SMCHD1: variants seen among roughly 807,000 people sequenced by gnomAD.
The protein encoded by SMCHD1 is structural maintenance of chromosomes flexible hinge domain containing 1, also known as structural maintenance of chromosomes flexible hinge domain-containing protein 1.
A neutral mutation model predicts 254.7 loss-of-function variants in SMCHD1; 78 were observed. That is an observed-to-expected ratio of 0.31 (90% confidence interval 0.26 to 0.37). The LOEUF (loss-of-function observed/expected upper bound fraction) is 0.37, where lower values mean the gene tolerates loss of function less well. Among genes scored for constraint, SMCHD1 ranks in the 10% least tolerant of loss-of-function variants. The pLI, the probability that SMCHD1 is intolerant of heterozygous loss-of-function variation, is 1.00. For synonymous variants in SMCHD1, 766 were observed against 794.9 expected, an observed-to-expected ratio of 0.96 and a Z score of 0.61; for missense variants, 1,840 against 2,408.1, an observed-to-expected ratio of 0.76 and a Z score of 4.94.
intron 25 of SMCHD1, among the ~76,000 whole-genome samples, chr18:2,735,196 A>G (rs1395695405): frequency 6.6e-6 from 1 of 152,226 alleles, no homozygotes; most frequent in Non-Finnish European, 1.5e-5. Flanking sequence ...CGTATGATTT[A>G]ATATGGTTTC....
chr18:2,666,829 G>A (rs1441729708), intron 2 of SMCHD1, 41 bp from the exon 3 acceptor site: 2 of 1,514,334 alleles, frequency 1.3e-6, no homozygotes, highest in Non-Finnish European at 1.8e-6. Flanking sequence ...TTGAGTTTCT[G>A]ATGCTGACCT....
At chr18:2,795,039 G>GTTTTT (rs201312816) in intron 45 of SMCHD1, among the ~76,000 whole-genome samples, 1 of 148,470 alleles carries the variant, frequency 6.7e-6, no homozygotes, top group East Asian at 2.0e-4. Flanking sequence ...AAAATTCTGG[G>GTTTTT]TTTTTTTTTT....
intron 39 of SMCHD1, among the ~76,000 whole-genome samples, chr18:2,770,915 C>T (rs2075972486): frequency 1.3e-5 from 2 of 152,170 alleles, no homozygotes; most frequent in African/African-American, 2.4e-5. Flanking sequence ...AGCCACCACA[C>T]CCAGCCTACG....
chr18:2,670,900 T>TA (rs372225530), intron 3 of SMCHD1, among the ~76,000 whole-genome samples: 38,871 of 116,338 alleles, frequency 0.33, 6,748 homozygotes, highest in African/African-American at 0.47. Context: ...AGACTGCATC[T>TA]AAAAAAAAAA....
chr18:2,661,432 G>A (rs2073249953), intron 1 of SMCHD1, among the ~76,000 whole-genome samples: 1 of 151,928 alleles, frequency 6.6e-6, no homozygotes, highest in African/African-American at 2.4e-5. Flanking sequence ...GAAATCTGTG[G>A]GTTTTTAATA....
chr18:2,760,385 G>A, intron 34 of SMCHD1: 1 of 248,220 alleles, frequency 4.0e-6, no homozygotes, highest in Non-Finnish European at 7.7e-6. Flanking sequence ...CGTATTTACT[G>A]CTTTCTCAAC....
Position 2,697,098 on chromosome 18 carries a change from A to C in SMCHD1, c.1107A>C (p.Glu369Asp), listed in dbSNP as rs2074300819. 6.7e-7 allele frequency: 1 copy of C among 1,492,634 alleles called. No homozygotes were observed. Among genetic ancestry groups the C allele is most frequent in the African/African-American group, 1.4e-5 (1 of 70,902 alleles). The allele number at this position is 1,492,634 out of a possible 1,614,324, so 92.5% of individuals were successfully genotyped here. A position where few individuals can be genotyped will look rare whatever the true frequency, so the allele number is the denominator to read the frequency against. Reference protein sequence around the residue: ...GNEIRTSKEVEPFNNIDIEIS... With the variant: ...GNEIRTSKEVDPFNNIDIEIS... ...AAATACGAACATCAAAAGAAGTTGA[A>C]CCTTTCAACAATATTGATATTGAAG... The change falls in exon 9 of 48, where the codon GAA becomes GAC. Residue 369 changes from glutamate (E) to aspartate (D), a missense_variant. Physicochemically the swap from Glu to Asp is conservative, Grantham distance 45 (BLOSUM62 2). Coordinates refer to ENST00000320876, the MANE Select transcript of SMCHD1 (RefSeq NM_015295.3).
intron 41 of SMCHD1, among the ~76,000 whole-genome samples, chr18:2,774,427 T>G (rs192295199): frequency 6.6e-6 from 1 of 152,132 alleles, no homozygotes; most frequent in African/African-American, 2.4e-5. Context: ...TTTGGCTTTT[T>G]TTGAGACAGG....
chr18:2,678,253 T>TC (rs2073810350), intron 5 of SMCHD1, among the ~76,000 whole-genome samples: 1 of 114,208 alleles, frequency 8.8e-6, no homozygotes, highest in Non-Finnish European at 1.8e-5. Flanking sequence ...CGTTCTTTCT[T>TC]TCTCTCTCTC....
At chr18:2,796,754 G>A (rs2076271506) in intron 47 of SMCHD1, 2 of 436,510 alleles carry the variant, frequency 4.6e-6, no homozygotes, top group Non-Finnish European at 8.1e-6. Context: ...CTAATTTTTT[G>A]TATTTTTTTG....
chr18:2,704,192 T>C (rs893877565), intron 13 of SMCHD1, among the ~76,000 whole-genome samples: 1 of 152,130 alleles, frequency 6.6e-6, no homozygotes, highest in Admixed American at 6.6e-5. Context: ...CCTCAGGAGC[T>C]AGGTAAGAAT....
intron 7 of SMCHD1, among the ~76,000 whole-genome samples, chr18:2,693,821 G>A (rs938753954): frequency 1.3e-5 from 2 of 152,118 alleles, no homozygotes; most frequent in Non-Finnish European, 2.9e-5. Context: ...AGTAGAGATG[G>A]GGTTTCGGCT....
intron 25 of SMCHD1, among the ~76,000 whole-genome samples, chr18:2,735,440 C>T (rs1490359005): frequency 6.6e-6 from 1 of 152,114 alleles, no homozygotes; most frequent in African/African-American, 2.4e-5. Flanking sequence ...CCAGAGCAAT[C>T]AGGCAAGAGA....
At chr18:2,752,289 G>A (rs2075590031) in intron 33 of SMCHD1, among the ~76,000 whole-genome samples, 199 bp from the exon 34 acceptor site, 1 of 152,050 alleles carries the variant, frequency 6.6e-6, no homozygotes, top group Non-Finnish European at 1.5e-5. Context: ...ATAATGGGGT[G>A]TCTTTCCACT....
intron 34 of SMCHD1, among the ~76,000 whole-genome samples, chr18:2,759,930 G>T (rs1424627769): frequency 1.3e-5 from 2 of 152,264 alleles, no homozygotes; most frequent in East Asian, 3.9e-4. Context: ...ACAATATAGA[G>T]AAAGGTTAAA....
chr18:2,706,014 A>G (rs2074505457), intron 14 of SMCHD1, among the ~76,000 whole-genome samples: 1 of 152,170 alleles, frequency 6.6e-6, no homozygotes, highest in Non-Finnish European at 1.5e-5. Flanking sequence ...AAACATATAT[A>G]CATTATAACT....
chr18:2,720,390 A>G (rs577861486), intron 19 of SMCHD1, among the ~76,000 whole-genome samples: 1 of 152,312 alleles, frequency 6.6e-6, no homozygotes, highest in East Asian at 1.9e-4. Flanking sequence ...TTATTCTCTG[A>G]GGATATTAAT....
chr18:2,687,227 C>T lies in SMCHD1; in HGVS notation c.639-1167C>T, dbSNP rs114825885. Among the ~76,000 whole-genome samples the T allele has an allele frequency of 4.1e-3, 627 of 152,216 alleles. 4 individuals are homozygous for T. Among genetic ancestry groups the T allele is most frequent in the African/African-American group, 0.015 (606 of 41,518 alleles). ...ACCAGTAAATGTCTCATATGTAGTC[C>T]TTAAAAAAATTACTTTTGTATGTGT... On this transcript the variant is annotated intron_variant, in intron 5 of 47. Coordinates refer to ENST00000320876, the MANE Select transcript of SMCHD1 (RefSeq NM_015295.3).
chr18:2,767,612 CA>C (rs2075892504), intron 37 of SMCHD1, among the ~76,000 whole-genome samples: 1 of 90,636 alleles, frequency 1.1e-5, no homozygotes, highest in Non-Finnish European at 2.1e-5. Flanking sequence ...TTTTTTGAGA[CA>C]GAGTCTTGCT....
Sources: gnomAD v4.1 joint callset for allele counts (sites outside exome capture counted in the v4.1 genomes callset) on GRCh38, gnomAD v4.1.1 for gene constraint, MANE v1.5 for transcripts, NCBI Gene and HGNC (gene_info 2026-07-23, HGNC 2026-07-21) for gene names.